RYR1: variants seen among roughly 807,000 people sequenced by gnomAD.
RYR1 encodes ryanodine receptor 1, also known as central core disease of muscle.
RYR1 carries 342 observed loss-of-function variants against 583.5 expected under a neutral mutation model. That is an observed-to-expected ratio of 0.59 (90% CI 0.54 to 0.64). The LOEUF (loss-of-function observed/expected upper bound fraction) is 0.64. Ranked by LOEUF, RYR1 falls within the 30% of genes least tolerant of loss-of-function variation. RYR1 has a pLI of 0.00. For synonymous variants in RYR1, 2,791 were observed against 2,822.5 expected (o/e 0.99, Z 0.35); for missense variants, 6,032 against 6,917.2 (o/e 0.87, Z 4.54).
Position 38,447,954 on chromosome 19 carries a change from A to G in RYR1, c.801-401A>G, listed in dbSNP as rs116620791. On this transcript the variant is annotated intron_variant, in intron 9 of 105. Coordinates refer to ENST00000359596, the MANE Select transcript of RYR1 (RefSeq NM_000540.3). ...GAGGGAGAGATTGGGGGCCCTGAGT[A>G]AAATGATGGGGGAATTTAGGGGTCT... 6.6e-3 allele frequency among the ~76,000 whole-genome samples: 998 copies of G among 151,902 alleles called. 16 individuals carry two copies. Among genetic ancestry groups the G allele is most frequent in the African/African-American group, 0.023 (953 of 41,418 alleles).
intron 7 of RYR1, 26 bp from the exon 8 acceptor site, chr19:38,446,446 G>A (rs760584461): frequency 3.8e-6 from 6 of 1,588,100 alleles, no homozygotes; most frequent in Non-Finnish European, 5.2e-6. Context: ...GCCTCCCATT[G>A]ACCAACTTCC....
chr19:38,511,914 G>A (rs1245993262), intron 61 of RYR1, among the ~76,000 whole-genome samples, 158 bp from the exon 62 acceptor site: 1 of 152,084 alleles, frequency 6.6e-6, no homozygotes, highest in Non-Finnish European at 1.5e-5. Context: ...GGGACATTTG[G>A]AGGCGCTGTA....
Position 38,545,323 on chromosome 19 carries a change from GC to G in RYR1, c.12013-1119del, listed in dbSNP as rs375191754. Reference sequence around the variant, plus strand: ...TCATGGGTAGGCACAAACCACAGGCGCCCACCCACTGTAAGATCTTGAGATT... The same window carrying G: ...TCATGGGTAGGCACAAACCACAGGCGCCACCCACTGTAAGATCTTGAGATT... On this transcript the variant is annotated intron_variant, in intron 87 of 105. Coordinates refer to ENST00000359596, the MANE Select transcript of RYR1 (RefSeq NM_000540.3). Among the ~76,000 whole-genome samples the G allele has an allele frequency of 9.9e-5, 15 of 152,252 alleles. No homozygotes were observed. In the South Asian group the frequency reaches 3.1e-3, roughly 32 times the overall value.
At chr19:38,507,683 C>A in intron 57 of RYR1, 29 bp from the exon 58 acceptor site, 1 of 1,409,202 alleles carries the variant, frequency 7.1e-7, no homozygotes, top group Non-Finnish European at 1.0e-6. Context: ...GGCGTCTGGG[C>A]TGATCCTTCT....
Position 38,585,011 on chromosome 19 carries a change from C to T in RYR1, c.14715C>T (p.Pro4905=), listed in dbSNP as rs1285790820. The T allele has an allele frequency of 1.5e-5, 24 of 1,613,940 alleles. No homozygotes were observed. The highest frequency in any genetic ancestry group is 1.9e-5 in the Non-Finnish European group (23 of 1,180,026). Reference sequence around the variant, plus strand: ...GCATTGGGGACGAGATCGAGGACCCCGCGGGTGACGAATACGAGCTCTACA... The same window carrying T: ...GCATTGGGGACGAGATCGAGGACCCTGCGGGTGACGAATACGAGCTCTACA... ...GGGIGDEIED[P]AGDEYELYRV... Residue 4905 remains proline, a synonymous_variant, in exon 102 of 106, where the codon CCC becomes CCT. Coordinates refer to ENST00000359596, the MANE Select transcript of RYR1 (RefSeq NM_000540.3).
chr19:38,446,908 GAT>G (rs1326674540), intron 9 of RYR1, 140 bp downstream of exon 9: 6 of 689,628 alleles, frequency 8.7e-6, no homozygotes, highest in Non-Finnish European at 1.4e-5. Context: ...CTGAGAGAGA[GAT>G]GAAAATCTCG....
intron 10 of RYR1, 38 bp from the exon 11 acceptor site, chr19:38,448,611 A>G (rs776871776): frequency 6.2e-7 from 1 of 1,614,118 alleles, no homozygotes; most frequent in East Asian, 2.2e-5. Context: ...CTAAACACAC[A>G]GGCAGAGGAG....
chr19:38,435,624 TA>T (rs1189667655), intron 1 of RYR1, among the ~76,000 whole-genome samples: 5 of 152,056 alleles, frequency 3.3e-5, no homozygotes, highest in African/African-American at 1.2e-4. Context: ...TAATCTTAGC[TA>T]CTCGGGAGGC....
Position 38,565,069 on chromosome 19 carries a change from G to T in RYR1, c.12735G>T (p.Gln4245His). 6.4e-7 allele frequency: 1 copy of T among 1,562,474 alleles called. No homozygotes were observed. Among genetic ancestry groups the T allele is most frequent in the Non-Finnish European group, 8.7e-7 (1 of 1,155,104 alleles). Reference protein sequence around the residue: ...SFCEDTIFEMQIAAQISEPEG... With the variant: ...SFCEDTIFEMHIAAQISEPEG... Reference sequence around the variant, plus strand: ...GCGAGGACACCATCTTCGAGATGCAGATCGCCGCGCAGATCTCGGAGCCCG... The same window carrying T: ...GCGAGGACACCATCTTCGAGATGCATATCGCCGCGCAGATCTCGGAGCCCG... Residue 4245 changes from glutamine (Q) to histidine (H), a missense_variant, in exon 91 of 106, where the codon CAG becomes CAT. Transcript: ENST00000359596. This position sits in a 1 kb window ranked among gnomAD's most constrained non-coding sequence, Gnocchi z 4.7.
In RYR1 at chr19:38,586,664, A is replaced by G. The variant is rs1974504928; in HGVS notation, c.15021+88A>G. ...CAGTAGGTGGCAGTAAAAAGCTCCT[A>G]TCAATATCAAGGGTTAGGGCTGGGG... On this transcript the variant is annotated intron_variant, in intron 105 of 105. Coordinates refer to ENST00000359596, the MANE Select transcript of RYR1 (RefSeq NM_000540.3). 7 of 1,289,140 alleles carry G rather than the reference A, an allele frequency of 5.4e-6. No homozygotes were observed. The African/African-American group carries it at 5.8e-5, about 11-fold the overall frequency. 79.9% of individuals were successfully genotyped at this position (1,289,140 alleles called of 1,614,324 possible). A position where few individuals can be genotyped will look rare whatever the true frequency, so the allele number is the denominator to read the frequency against.
chr19:38,549,875 TTGTGTGTGTGTGTGTGTGTG>T (rs150566334), intron 89 of RYR1, among the ~76,000 whole-genome samples: 68 of 122,254 alleles, frequency 5.6e-4, no homozygotes, highest in South Asian at 1.2e-3. Flanking sequence ...CCAGCTAAAT[TTGTGTGTGTGTGTGTGTGTG>T]TGTGTGTGTG....
chr19:38,459,186 C>T lies in RYR1; in HGVS notation c.2208C>T (p.Leu736=). 6.2e-7 allele frequency: 1 copy of T among 1,614,120 alleles called. No individual in the cohort carries two copies. The highest frequency in any genetic ancestry group is 8.5e-7 in the Non-Finnish European group (1 of 1,180,042). The change falls in exon 19 of 106, where the codon CTC becomes CTT. Residue 736 remains leucine, a synonymous_variant. Transcript: ENST00000359596. The part of the protein sequence containing the change: ...ARPVTSPGQH[L]LAPEDVISCC... ...CAGTGACTTCCCCAGGGCAGCACCT[C>T]CTGGCCCCTGAAGACGTGATCAGCT...
intron 89 of RYR1, among the ~76,000 whole-genome samples, chr19:38,555,087 TAACC>T (rs912835014): frequency 1.4e-4 from 22 of 152,046 alleles, no homozygotes; most frequent in Admixed American, 2.0e-4. Context: ...CAGCCCCCGG[TAACC>T]ACTGATCTTT....
chr19:38,532,347 T>A, intron 76 of RYR1, 143 bp from the exon 77 acceptor site: 1 of 811,928 alleles, frequency 1.2e-6, no homozygotes, highest in Non-Finnish European at 2.1e-6. Flanking sequence ...GGTTTCAGAC[T>A]CCTGATCTCA....
At chr19:38,525,649 G>C (rs1475700949) in intron 71 of RYR1, 147 bp downstream of exon 71, 1 of 895,170 alleles carries the variant, frequency 1.1e-6, no homozygotes, top group Non-Finnish European at 1.8e-6. Context: ...GTTCTTTTCC[G>C]GGATGCTGAG....
chr19:38,586,313 GC>G, intron 104 of RYR1, 122 bp downstream of exon 104: 1 of 1,138,754 alleles, frequency 8.8e-7, no homozygotes, highest in East Asian at 2.5e-5. Flanking sequence ...CAGATTCCCT[GC>G]CAGCCAATCA....
rs371944637 is a variant in RYR1, at chr19:38,536,790, G to A, written c.11608+23G>A. On this transcript the variant is annotated intron_variant, in intron 83 of 105. Coordinates refer to ENST00000359596, the MANE Select transcript of RYR1 (RefSeq NM_000540.3). ...ACGGTAATTCCCCCAGCCCACCCCCGTGCTGTGCTGCTGTCACCCACCCCT... is the reference window on the plus strand; with the variant it reads ...ACGGTAATTCCCCCAGCCCACCCCCATGCTGTGCTGCTGTCACCCACCCCT... 1.8e-4 allele frequency: 293 copies of A among 1,608,688 alleles called. 2 individuals carry two copies. The highest frequency in any genetic ancestry group is 7.5e-4 in the South Asian group (68 of 90,912).
At chr19:38,526,474 G>C (rs1328381320) in intron 71 of RYR1, among the ~76,000 whole-genome samples, 2 of 151,656 alleles carry the variant, frequency 1.3e-5, no homozygotes, top group East Asian at 3.9e-4. Context: ...GCTGAGTCCT[G>C]CCAGGACGCC....
Position 38,527,871 on chromosome 19 carries a change from G to A in RYR1, c.10824+87G>A, listed in dbSNP as rs1971542882. The A allele has an allele frequency of 2.0e-6, 3 of 1,518,190 alleles. No homozygotes were observed. The African/African-American group carries it at 4.1e-5, about 21-fold the overall frequency. The allele number at this position is 1,518,190 out of a possible 1,614,324, so 94.0% of individuals were successfully genotyped here. On this transcript the variant is annotated intron_variant, in intron 73 of 105. Coordinates refer to ENST00000359596, the MANE Select transcript of RYR1 (RefSeq NM_000540.3). ...GCTTCAAGGATGTGGGTGGGGTCTGGAGATGACTATTAAGTTTTGGGGCAG... is the reference window on the plus strand; with the variant it reads ...GCTTCAAGGATGTGGGTGGGGTCTGAAGATGACTATTAAGTTTTGGGGCAG...
Sources: allele counts gnomAD v4.1 joint callset (sites outside exome capture counted in the v4.1 genomes callset), GRCh38; gene constraint gnomAD v4.1.1; non-coding constraint Gnocchi (gnomAD v3.1); transcripts MANE v1.5; gene names NCBI Gene and HGNC (gene_info 2026-07-23, HGNC 2026-07-21).